HOXC4: variants seen among roughly 807,000 people sequenced by gnomAD.
The protein encoded by HOXC4 is homeobox protein Hox-C4.
In HOXC4, 15 loss-of-function variants were observed where a neutral mutation model predicts 25.5. The observed-to-expected ratio is 0.59, with a 90% CI of 0.39 to 0.91. The LOEUF (loss-of-function observed/expected upper bound fraction) is 0.91. Ranked by LOEUF, HOXC4 falls within the 40% of genes least tolerant of loss-of-function variation. The pLI is 0.00. For synonymous variants in HOXC4, 165 were observed against 148.0 expected, an observed-to-expected ratio of 1.11 and a Z score of -0.83; for missense variants, 342 against 352.4, an observed-to-expected ratio of 0.97 and a Z score of 0.24.
chr12:54,044,490 T>C lies in HOXC4; in HGVS notation c.-123-8670T>C, dbSNP rs376896185. On this transcript the variant is annotated intron_variant, in intron 1 of 3. Coordinates refer to the HOXC4 transcript ENST00000303406. The stretch of plus-strand genomic sequence containing the variant: ...AGCCTGGCTGTAGATATCAGGACTC[T>C]TCTGTTCTGGGGCTGATCTCTCCCT... Among the ~76,000 whole-genome samples, 17 of 152,276 alleles carry C rather than the reference T, an allele frequency of 1.1e-4. 1 individual carries two copies. The South Asian group carries it at 2.7e-3, about 24-fold the overall frequency.
At chr12:54,033,893 T>G (rs1004779463) in intron 1 of HOXC4, 6 of 352,990 alleles carry the variant, frequency 1.7e-5, no homozygotes, top group African/African-American at 2.3e-5. Context: ...GCTCCCTCCC[T>G]CCCTCCCCTG....
chr12:54,046,771 C>T (rs1194788984), intron 1 of HOXC4, among the ~76,000 whole-genome samples: 1 of 152,112 alleles, frequency 6.6e-6, no homozygotes, highest in Non-Finnish European at 1.5e-5. Flanking sequence ...TTTCTCTCCC[C>T]ACCCTAAGTC....
At chr12:54,023,883 C>T (rs999667524) in intron 1 of HOXC4, among the ~76,000 whole-genome samples, 1 of 152,180 alleles carries the variant, frequency 6.6e-6, no homozygotes, top group Non-Finnish European at 1.5e-5. Flanking sequence ...TGTTCCCAAA[C>T]AGCATTCCCT....
intron 1 of HOXC4, among the ~76,000 whole-genome samples, chr12:54,019,676 A>T (rs571490272): frequency 6.6e-6 from 1 of 151,980 alleles, no homozygotes; most frequent in South Asian, 2.1e-4. Flanking sequence ...GCCCCCTCCC[A>T]CCCGAGGGGC....
chr12:54,033,597 T>C (rs1291006011), intron 1 of HOXC4: 1 of 1,524,588 alleles, frequency 6.6e-7, no homozygotes, highest in East Asian at 2.4e-5. Flanking sequence ...GGACTTCATT[T>C]TGCGCTCTCG....
At chr12:54,033,546 C>T (rs749552740) in intron 1 of HOXC4, 1 of 1,596,392 alleles carries the variant, frequency 6.3e-7, no homozygotes, top group Non-Finnish European at 8.5e-7. Context: ...ACAGATTTAC[C>T]CGTGGATGAC....
intron 1 of HOXC4, chr12:54,033,379 C>G (rs763873244): frequency 1.2e-6 from 2 of 1,613,048 alleles, no homozygotes; most frequent in South Asian, 1.1e-5. Flanking sequence ...GGACACGCTC[C>G]GGGCAGAGAC....
chr12:54,044,773 T>G (rs1463023776), intron 1 of HOXC4, among the ~76,000 whole-genome samples: 2 of 152,028 alleles, frequency 1.3e-5, no homozygotes, highest in African/African-American at 4.8e-5. Context: ...CATCTCTATG[T>G]ACCAAACAAA....
At chr12:54,027,597 C>T (rs1439045016) in intron 1 of HOXC4, among the ~76,000 whole-genome samples, 2 of 152,172 alleles carry the variant, frequency 1.3e-5, no homozygotes, top group Non-Finnish European at 2.9e-5. Context: ...CCCTCCGGTG[C>T]CACCTCCCTA....
At position 54,054,885 on chromosome 12, in the gene HOXC4, T is replaced by G. The variant is rs1937939021; in HGVS notation, c.475T>G (p.Ser159Ala). 1 of 1,612,192 alleles carries G rather than the reference T, an allele frequency of 6.2e-7. No homozygotes were observed. The highest frequency in any genetic ancestry group is 1.7e-5 in the Admixed American group (1 of 59,948). ...TTATAACGGAGGGGAACCCAAGCGC[T>G]CGAGGACAGCCTATACCCGGCAGCA... Reference protein sequence around the residue: ...PNYNGGEPKRSRTAYTRQQVL... With the variant: ...PNYNGGEPKRARTAYTRQQVL... The change falls in exon 2 of 2, where the codon TCG becomes GCG. Residue 159 changes from serine to alanine, a missense_variant. Coordinates refer to ENST00000430889, the MANE Select transcript of HOXC4 (RefSeq NM_153633.3).
chr12:54,039,843 C>T (rs1041928902), intron 1 of HOXC4, among the ~76,000 whole-genome samples: 1 of 152,076 alleles, frequency 6.6e-6, no homozygotes, highest in African/African-American at 2.4e-5. Context: ...CCCTGACACC[C>T]GCCCTGACTC....
intron 1 of HOXC4, among the ~76,000 whole-genome samples, chr12:54,037,392 G>T (rs1329112704): frequency 6.6e-6 from 1 of 152,172 alleles, no homozygotes; most frequent in Non-Finnish European, 1.5e-5. Flanking sequence ...TATGGAGCCT[G>T]CCTCTCCACT....
chr12:54,023,501 GC>G (rs925192190), intron 1 of HOXC4, among the ~76,000 whole-genome samples: 14 of 152,130 alleles, frequency 9.2e-5, no homozygotes, highest in African/African-American at 3.4e-4. Flanking sequence ...AGCAAAAGCA[GC>G]TCGGGTAGCC....
chr12:54,043,453 G>A lies in HOXC4; in HGVS notation c.-123-9707G>A, dbSNP rs539726894. On this transcript the variant is annotated intron_variant, in intron 1 of 3. Coordinates refer to the HOXC4 transcript ENST00000303406. ...CCTGAACACACAGAAACACATATAT[G>A]TGCCCAAGGATGGTATGGTAGAGGT... is the stretch of plus-strand genomic sequence containing the variant. Among the ~76,000 whole-genome samples, 134 of 152,218 alleles carry A rather than the reference G, an allele frequency of 8.8e-4. 1 individual carries two copies. The highest frequency in any genetic ancestry group is 1.5e-3 in the Non-Finnish European group (103 of 68,006).
chr12:54,028,919 G>A (rs761958008), intron 1 of HOXC4: 3 of 1,606,722 alleles, frequency 1.9e-6, no homozygotes, highest in African/African-American at 1.3e-5. Context: ...AATTCGCACA[G>A]TGGTGAGTTT....
In HOXC4 at chr12:54,054,841, T is replaced by TC; in HGVS notation, c.440-3dup. 2 of 1,585,932 alleles carry TC rather than the reference T, an allele frequency of 1.3e-6. No homozygotes were observed. Among genetic ancestry groups the TC allele is most frequent in the Non-Finnish European group, 1.7e-6 (2 of 1,159,296 alleles). On this transcript the variant is annotated splice_polypyrimidine_tract_variant and intron_variant, in intron 1 of 1. Transcript: ENST00000430889. Reference sequence around the variant, plus strand: ...TGAACCCCACTATTTGCTTTTCCCCTCCCCCCAGTGAACCCCAATTATAAC... The same window carrying TC: ...TGAACCCCACTATTTGCTTTTCCCCTCCCCCCCAGTGAACCCCAATTATAAC...
chr12:54,045,522 T>A (rs1937681518), intron 1 of HOXC4, among the ~76,000 whole-genome samples: 2 of 152,356 alleles, frequency 1.3e-5, no homozygotes, highest in South Asian at 4.1e-4. Context: ...TCCTAACCCA[T>A]AAAATAGCTA....
intron 1 of HOXC4, among the ~76,000 whole-genome samples, chr12:54,026,976 G>GGGA (rs1555185064): frequency 6.0e-4 from 86 of 143,272 alleles, no homozygotes; most frequent in South Asian, 1.6e-3. Flanking sequence ...GGGGGGGGGG[G>GGGA]ATATGAGCTT....
At chr12:54,032,534 G>A (rs1341053750) in intron 1 of HOXC4, among the ~76,000 whole-genome samples, 1 of 152,206 alleles carries the variant, frequency 6.6e-6, no homozygotes, top group Non-Finnish European at 1.5e-5. Context: ...TTTGAAGATT[G>A]GAAGACCCTG....
Sources: gnomAD v4.1 joint callset for allele counts (sites outside exome capture counted in the v4.1 genomes callset) on GRCh38, gnomAD v4.1.1 for gene constraint, MANE v1.5 for transcripts, NCBI Gene and HGNC (gene_info 2026-07-23, HGNC 2026-07-21) for gene names.